Variants in ZNF746 observed in about 807,000 individuals in gnomAD.
ZNF746 encodes the protein parkin-interacting substrate.
A neutral mutation model predicts 41.0 loss-of-function variants in ZNF746; 13 were observed. The observed-to-expected ratio is 0.32, with a 90% CI of 0.21 to 0.50. The LOEUF (loss-of-function observed/expected upper bound fraction) is 0.50, where lower values mean the gene tolerates loss of function less well. ZNF746 is among the 20% of genes least tolerant of loss of function. The probability of loss-of-function intolerance (pLI) is 0.98; values close to 1 mark genes in which losing one functional copy is unlikely to be tolerated. For synonymous variants in ZNF746, 424 were observed against 396.2 expected (o/e 1.07, Z -0.83); for missense variants, 811 against 922.9 (o/e 0.88, Z 1.57).
At chr7:149,491,646 T>C (rs561869852) in intron 4 of ZNF746, 335 of 536,624 alleles carry the variant, frequency 6.2e-4, no homozygotes, top group Admixed American at 9.6e-4. Context: ...AAAGTGCAAA[T>C]CTGACTGAGA....
intron 3 of ZNF746, 94 bp downstream of exon 3, chr7:149,493,895 T>A (rs940961492): frequency 8.8e-6 from 14 of 1,593,684 alleles, no homozygotes; most frequent in Non-Finnish European, 9.4e-6. Context: ...TTCTGGTGAT[T>A]TATATAACAC....
At chr7:149,483,011 G>A (rs1381437903) in intron 4 of ZNF746, among the ~76,000 whole-genome samples, 4 of 151,176 alleles carry the variant, frequency 2.6e-5, no homozygotes, top group Middle Eastern at 6.3e-3. Context: ...GCTACAGAGC[G>A]TTAAGGAAAA....
chr7:149,488,382 A>C (rs1171904275), intron 4 of ZNF746: 1 of 152,248 alleles, frequency 6.6e-6, no homozygotes, highest in African/African-American at 2.4e-5. Flanking sequence ...ATAAAGGAAA[A>C]GACTGACATG....
chr7:149,497,613 G>T lies in ZNF746; in HGVS notation c.-77C>A. 1 of 1,000,686 alleles carries T rather than the reference G, an allele frequency of 1.0e-6. No individual in the cohort carries two copies. The highest frequency in any genetic ancestry group is 1.2e-6 in the Non-Finnish European group (1 of 836,784). The allele number at this position is 1,000,686 out of a possible 1,614,324, so 62.0% of individuals were successfully genotyped here. A position where few individuals can be genotyped will look rare whatever the true frequency, so the allele number is the denominator to read the frequency against. On this transcript the variant is annotated 5_prime_UTR_variant, in exon 1 of 7. Coordinates refer to ENST00000458143, the MANE Select transcript of ZNF746 (RefSeq NM_001394198.1). The surrounding 1 kb of genome is among the most constrained non-coding windows in gnomAD (Gnocchi z 4.2). ...CGCGCGGCACCACGCAGGCCCGGCCGCCCGGTGCTCTCCGCAGGCGGCGCC... is the reference window on the plus strand; with the variant it reads ...CGCGCGGCACCACGCAGGCCCGGCCTCCCGGTGCTCTCCGCAGGCGGCGCC...
At chr7:149,495,788 T>C (rs1353156045) in intron 1 of ZNF746, among the ~76,000 whole-genome samples, 2 of 152,146 alleles carry the variant, frequency 1.3e-5, no homozygotes, top group Non-Finnish European at 2.9e-5. Context: ...TCTAGGACAG[T>C]GCTTAAGATA....
chr7:149,480,506 C>T lies in ZNF746; in HGVS notation c.566-2751G>A, dbSNP rs1285175672. ...GGAGTGCAGTGGCGCGATCTTGGCTCACTGCAACCTCTGCCTCCCGGGTTC... is the reference window on the plus strand; with the variant it reads ...GGAGTGCAGTGGCGCGATCTTGGCTTACTGCAACCTCTGCCTCCCGGGTTC... On this transcript the variant is annotated intron_variant, in intron 4 of 6. Coordinates refer to ENST00000458143, the MANE Select transcript of ZNF746 (RefSeq NM_001394198.1). Among the ~76,000 whole-genome samples the T allele has an allele frequency of 3.3e-5, 5 of 152,076 alleles. No individual in the cohort carries two copies. In the East Asian group the frequency reaches 9.6e-4, roughly 29 times the overall value.
At chr7:149,484,061 G>A (rs1027732397) in intron 4 of ZNF746, among the ~76,000 whole-genome samples, 3 of 152,168 alleles carry the variant, frequency 2.0e-5, no homozygotes, top group Non-Finnish European at 2.9e-5. Context: ...AATTACATCG[G>A]TAGTAAAAAA....
At chr7:149,477,878 TG>T in intron 4 of ZNF746, 123 bp from the exon 5 acceptor site, 1 of 776,492 alleles carries the variant, frequency 1.3e-6, no homozygotes, top group Non-Finnish European at 1.9e-6. Flanking sequence ...AAGAGCCTGG[TG>T]GGAAGGGAGG....
At position 149,497,495 on chromosome 7, in the gene ZNF746, C is replaced by G. The variant is rs1801048641; in HGVS notation, c.24+18G>C. 8 of 1,095,696 alleles carry G rather than the reference C, an allele frequency of 7.3e-6. No homozygotes were observed. The highest frequency in any genetic ancestry group is 8.8e-6 in the Non-Finnish European group (8 of 905,116). The allele number at this position is 1,095,696 out of a possible 1,614,324, so 67.9% of individuals were successfully genotyped here. On this transcript the variant is annotated intron_variant, in intron 1 of 6. Transcript: ENST00000458143. This position sits in a 1 kb window ranked among gnomAD's most constrained non-coding sequence, Gnocchi z 4.2. ...GGCCCCCAGGCCGCGAGTCCCTGCG[C>G]GCGCGGGTCGCCCTTACCGGAGCCG... is the stretch of plus-strand genomic sequence containing the variant.
intron 3 of ZNF746, 107 bp downstream of exon 3, chr7:149,493,882 T>G: frequency 6.4e-7 from 1 of 1,572,952 alleles, no homozygotes; most frequent in Non-Finnish European, 8.7e-7. Flanking sequence ...AGGTCAACAA[T>G]GTTTCTGGTG....
chr7:149,486,411 C>CAAAAA (rs78088527), intron 4 of ZNF746, among the ~76,000 whole-genome samples: 1 of 136,738 alleles, frequency 7.3e-6, no homozygotes, highest in Non-Finnish European at 1.6e-5. Context: ...TTCACACCAG[C>CAAAAA]AAAAAAAAAA....
At chr7:149,484,306 A>G (rs1800561436) in intron 4 of ZNF746, among the ~76,000 whole-genome samples, 1 of 152,240 alleles carries the variant, frequency 6.6e-6, no homozygotes, top group South Asian at 2.1e-4. Context: ...CAAAATAATT[A>G]GCATACAGCA....
At chr7:149,481,203 TC>T (rs1800475063) in intron 4 of ZNF746, among the ~76,000 whole-genome samples, 1 of 152,100 alleles carries the variant, frequency 6.6e-6, no homozygotes, top group African/African-American at 2.4e-5. Flanking sequence ...AAAATAACAC[TC>T]AAGCTAAAAT....
chr7:149,474,816 CCCACCGCTGCCG>C lies in ZNF746; in HGVS notation c.1539_1550del (p.Gly516_Ser519del), dbSNP rs879216376. 62 of 1,455,934 alleles carry C rather than the reference CCCACCGCTGCCG, an allele frequency of 4.3e-5. No homozygotes were observed. The highest frequency in any genetic ancestry group is 1.9e-4 in the East Asian group (7 of 36,802). 90.2% of individuals were successfully genotyped at this position (1,455,934 alleles called of 1,614,324 possible). A position where few individuals can be genotyped will look rare whatever the true frequency, so the allele number is the denominator to read the frequency against. On this transcript the variant is annotated inframe_deletion, in exon 7 of 7. Coordinates refer to ENST00000458143, the MANE Select transcript of ZNF746 (RefSeq NM_001394198.1). This position sits in a 1 kb window ranked among gnomAD's most constrained non-coding sequence, Gnocchi z 6.3. The stretch of plus-strand genomic sequence containing the variant: ...GGGCGCTGCCATCCCGTGCGCTGCC[CCCACCGCTGCCG>C]CCACCGCCGCCGCCACTGCCGCTGC...
chr7:149,477,440 T>G, intron 5 of ZNF746, 124 bp downstream of exon 5: 1 of 1,193,718 alleles, frequency 8.4e-7, no homozygotes, highest in Non-Finnish European at 1.2e-6. Context: ...GACGGGAAAA[T>G]TTCTAAAGTT....
chr7:149,474,513 C>G lies in ZNF746; in HGVS notation c.1854G>C (p.Pro618=), dbSNP rs76690798. 1 of 1,609,784 alleles carries G rather than the reference C, an allele frequency of 6.2e-7. No individual in the cohort carries two copies. The highest frequency in any genetic ancestry group is 8.5e-7 in the Non-Finnish European group (1 of 1,178,078). ...AGGGATCAGGAGGTGCGGGCGGCGT[C>G]GGGAGTGGCTGGCCTCGGGCCGGGG... is the stretch of plus-strand genomic sequence containing the variant. ...AKTPARGQPL[P]TPPAPPDPFK... Residue 618 remains proline (P), a synonymous_variant, in exon 7 of 7, where the codon CCG becomes CCC. Transcript: ENST00000458143. This position sits in a 1 kb window ranked among gnomAD's most constrained non-coding sequence, Gnocchi z 6.3.
intron 4 of ZNF746, among the ~76,000 whole-genome samples, chr7:149,485,495 TTGAACA>T (rs1800597580): frequency 6.6e-6 from 1 of 152,190 alleles, no homozygotes. Context: ...GATGAAGAAC[TTGAACA>T]TGAAAGACGA....
chr7:149,481,927 G>A (rs1447347529), intron 4 of ZNF746, among the ~76,000 whole-genome samples: 1 of 152,024 alleles, frequency 6.6e-6, no homozygotes, highest in Non-Finnish European at 1.5e-5. Context: ...AAAAGAATGT[G>A]AACCACATAT....
chr7:149,477,062 G>GAGCA lies in ZNF746; in HGVS notation c.758-19_758-16dup. The GAGCA allele has an allele frequency of 6.2e-7, 1 of 1,609,058 alleles. No homozygotes were observed. The highest frequency in any genetic ancestry group is 1.1e-5 in the South Asian group (1 of 90,442). Reference sequence around the variant, plus strand: ...GGAATGGACACCTGCGGTAAGGGGAGAGCAGAGCCGGTGGGTTAGGGGACG... The same window carrying GAGCA: ...GGAATGGACACCTGCGGTAAGGGGAGAGCAAGCAGAGCCGGTGGGTTAGGGGACG... On this transcript the variant is annotated splice_polypyrimidine_tract_variant and intron_variant, in intron 5 of 6. Transcript: ENST00000458143.
Sources: allele counts gnomAD v4.1 joint callset (sites outside exome capture counted in the v4.1 genomes callset), GRCh38; gene constraint gnomAD v4.1.1; non-coding constraint Gnocchi (gnomAD v3.1); transcripts MANE v1.5; gene names NCBI Gene and HGNC (gene_info 2026-07-23, HGNC 2026-07-21).